MFHAS1: variants seen among roughly 807,000 people sequenced by gnomAD.
The protein encoded by MFHAS1 is multifunctional ROCO family signaling regulator 1, also known as malignant fibrous histiocytoma-amplified sequence 1.
In MFHAS1, 50 loss-of-function variants were observed where a neutral mutation model predicts 70.4. The ratio of observed to expected loss-of-function variants is 0.71; its 90% CI spans 0.57 to 0.90. MFHAS1 has a LOEUF of 0.90. Ranked by LOEUF, MFHAS1 falls within the 40% of genes least tolerant of loss-of-function variation. The probability of loss-of-function intolerance (pLI) is 0.00; values close to 1 mark genes in which losing one functional copy is unlikely to be tolerated. For synonymous variants in MFHAS1, 952 were observed against 620.0 expected (o/e 1.54, Z -7.96); for missense variants, 1,795 against 1,347.6 (o/e 1.33, Z -5.20).
At chr8:8,819,677 T>C (rs1462894379) in intron 1 of MFHAS1, among the ~76,000 whole-genome samples, 5 of 150,724 alleles carry the variant, frequency 3.3e-5, no homozygotes, top group Middle Eastern at 3.6e-3. Context: ...GGGAAATACA[T>C]GGCTGTGGAC....
intron 1 of MFHAS1, among the ~76,000 whole-genome samples, chr8:8,823,799 G>C (rs186444464): frequency 6.9e-6 from 1 of 145,714 alleles, no homozygotes; most frequent in Non-Finnish European, 1.5e-5. Context: ...TAGCACAGAA[G>C]ATAGTGGGGG....
intron 1 of MFHAS1, among the ~76,000 whole-genome samples, chr8:8,873,185 C>A (rs1348964461): frequency 6.6e-6 from 1 of 152,134 alleles, no homozygotes; most frequent in Non-Finnish European, 1.5e-5. Flanking sequence ...AGCAATAGCC[C>A]TCCGGAATCA....
rs76405458 is a variant in MFHAS1 at position 8,787,933 on chromosome 8, G to A, written c.3126-1878C>T. On this transcript the variant is annotated intron_variant, in intron 2 of 2. Coordinates refer to ENST00000276282, the MANE Select transcript of MFHAS1 (RefSeq NM_004225.3). ...GCCTTTTTCCACATTTGGGATCTTA[G>A]AGAAAACAACCATCAAAATCACCAA... 7.6e-3 allele frequency among the ~76,000 whole-genome samples: 1,153 copies of A among 152,278 alleles called. 20 individuals carry two copies. Among genetic ancestry groups the A allele is most frequent in the South Asian group, 0.073 (353 of 4,824 alleles).
chr8:8,802,719 AGGGG>A (rs1411049862), intron 1 of MFHAS1, among the ~76,000 whole-genome samples: 1 of 152,212 alleles, frequency 6.6e-6, no homozygotes, highest in South Asian at 2.1e-4. Flanking sequence ...GCTAGCAGGC[AGGGG>A]ACTGTCCTCT....
At chr8:8,793,535 T>C (rs1805789331) in intron 2 of MFHAS1, among the ~76,000 whole-genome samples, 1 of 152,166 alleles carries the variant, frequency 6.6e-6, no homozygotes, top group South Asian at 2.1e-4. Flanking sequence ...CCTGGGAGCT[T>C]TCTCTAGGGC....
intron 1 of MFHAS1, among the ~76,000 whole-genome samples, chr8:8,881,164 C>T (rs1256562623): frequency 6.6e-6 from 1 of 152,192 alleles, no homozygotes; most frequent in Admixed American, 6.5e-5. Context: ...TTGGTGATAG[C>T]TTTTCATTAA....
intron 2 of MFHAS1, among the ~76,000 whole-genome samples, chr8:8,793,790 TCGTGTACACA>T (rs1440895946): frequency 6.6e-6 from 1 of 152,216 alleles, no homozygotes. Flanking sequence ...CATCAGAAAG[TCGTGTACACA>T]CGTTAGACTC....
intron 1 of MFHAS1, among the ~76,000 whole-genome samples, chr8:8,879,176 C>A (rs1370716177): frequency 6.6e-6 from 1 of 152,082 alleles, no homozygotes; most frequent in Non-Finnish European, 1.5e-5. Flanking sequence ...CGATGAAACC[C>A]CGTCTCTACT....
chr8:8,803,155 T>A (rs1456440901), intron 1 of MFHAS1, among the ~76,000 whole-genome samples: 1 of 152,164 alleles, frequency 6.6e-6, no homozygotes. Flanking sequence ...GAGTTAGCCC[T>A]CCTTATCAGT....
chr8:8,888,032 T>A (rs959912594), intron 1 of MFHAS1, among the ~76,000 whole-genome samples: 3 of 152,186 alleles, frequency 2.0e-5, no homozygotes, highest in South Asian at 2.1e-4. Flanking sequence ...ACCCTGTAAA[T>A]GCGTAACTCC....
chr8:8,891,523 A>G lies in MFHAS1; in HGVS notation c.1536T>C (p.Phe512=), dbSNP rs1810035997. 1 of 1,613,030 alleles carries G rather than the reference A, an allele frequency of 6.2e-7. No homozygotes were observed. Among genetic ancestry groups the G allele is most frequent in the Non-Finnish European group, 8.5e-7 (1 of 1,180,014 alleles). The change falls in exon 1 of 3, where the codon TTT becomes TTC. Residue 512 remains phenylalanine, a synonymous_variant. Transcript: ENST00000276282. This position sits in a 1 kb window ranked among gnomAD's most constrained non-coding sequence, Gnocchi z 5.4. ...GCAAGAAGGAGCCCACGGTGGTAGG[A>G]AAGTGGCGAGGCTCATAGGTGGCCA... ...VNLATYEPRH[F]PTTVGSFLHR...
At chr8:8,873,908 G>T (rs1486181226) in intron 1 of MFHAS1, among the ~76,000 whole-genome samples, 1 of 152,136 alleles carries the variant, frequency 6.6e-6, no homozygotes, top group Non-Finnish European at 1.5e-5. Context: ...TGTACAATTT[G>T]TAATTATTGC....
At chr8:8,828,049 AG>A (rs2117316952) in intron 1 of MFHAS1, among the ~76,000 whole-genome samples, 1 of 152,254 alleles carries the variant, frequency 6.6e-6, no homozygotes, top group South Asian at 2.1e-4. Context: ...CCCGGTGATT[AG>A]GAATGCCACC....
intron 1 of MFHAS1, among the ~76,000 whole-genome samples, chr8:8,877,888 C>T (rs1312770723): frequency 1.3e-5 from 2 of 152,206 alleles, no homozygotes; most frequent in African/African-American, 4.8e-5. Flanking sequence ...CTCTCCCTTA[C>T]TATAATTTCT....
Position 8,797,290 on chromosome 8 carries a change from G to A in MFHAS1, c.3125+75C>T. ...GGTTTGTGCAGATGCAGTTTAACCT[G>A]GATTTTTGTGGTCATATCTATGGAG... On this transcript the variant is annotated intron_variant, in intron 2 of 2. Transcript: ENST00000276282. 4 of 1,555,902 alleles carry A rather than the reference G, an allele frequency of 2.6e-6. No individual in the cohort carries two copies. In the East Asian group the frequency reaches 9.1e-5, roughly 35 times the overall value.
intron 1 of MFHAS1, among the ~76,000 whole-genome samples, chr8:8,882,653 C>G (rs1171947243): frequency 6.6e-6 from 1 of 152,056 alleles, no homozygotes; most frequent in Non-Finnish European, 1.5e-5. Flanking sequence ...AGTTTGAGTT[C>G]TTTCAAAATA....
chr8:8,788,698 A>T (rs1291934360), intron 2 of MFHAS1, among the ~76,000 whole-genome samples: 3 of 152,220 alleles, frequency 2.0e-5, no homozygotes, highest in Non-Finnish European at 4.4e-5. Context: ...AACAAAAAGT[A>T]TTGAGGAGAC....
chr8:8,810,073 G>A (rs1238242164), intron 1 of MFHAS1, among the ~76,000 whole-genome samples: 1 of 152,162 alleles, frequency 6.6e-6, no homozygotes, highest in Non-Finnish European at 1.5e-5. Flanking sequence ...CCTTAATAAT[G>A]ATCAGAAGCC....
intron 1 of MFHAS1, among the ~76,000 whole-genome samples, chr8:8,808,779 G>A (rs1279207218): frequency 6.6e-6 from 1 of 152,172 alleles, no homozygotes; most frequent in African/African-American, 2.4e-5. Flanking sequence ...TGGCAATTGG[G>A]TTTGGTGCCA....
Sources: allele counts gnomAD v4.1 joint callset (sites outside exome capture counted in the v4.1 genomes callset), GRCh38; gene constraint gnomAD v4.1.1; non-coding constraint Gnocchi (gnomAD v3.1); transcripts MANE v1.5; gene names NCBI Gene and HGNC (gene_info 2026-07-23, HGNC 2026-07-21).